The following DIAPH3 variants were observed in gnomAD, a reference collection of about 807,000 sequenced individuals.
DIAPH3 encodes protein diaphanous homolog 3.
In DIAPH3, 117 loss-of-function variants were observed where a neutral mutation model predicts 144.3. That is an observed-to-expected ratio of 0.81 (90% confidence interval 0.70 to 0.95). The LOEUF (loss-of-function observed/expected upper bound fraction) is 0.95, where lower values mean the gene tolerates loss of function less well. Among genes scored for constraint, DIAPH3 ranks in the 40% least tolerant of loss-of-function variants. The pLI is 0.00. For missense variants in DIAPH3, 1,421 were observed against 1,412.7 expected (o/e 1.01, Z -0.09); for synonymous variants, 519 against 488.9 (o/e 1.06, Z -0.81).
intron 20 of DIAPH3, among the ~76,000 whole-genome samples, chr13:59,898,855 G>A (rs1017971267): frequency 5.9e-5 from 9 of 152,156 alleles, no homozygotes; most frequent in African/African-American, 1.9e-4. Flanking sequence ...TCTTGAGGGT[G>A]TTGCCAAAGG....
At chr13:59,961,306 C>T (rs2049739788) in intron 17 of DIAPH3, among the ~76,000 whole-genome samples, 2 of 152,266 alleles carry the variant, frequency 1.3e-5, no homozygotes, top group Middle Eastern at 3.4e-3. Flanking sequence ...TTATATAATC[C>T]TCACAATAAC....
chr13:60,136,900 A>T (rs979201402), intron 1 of DIAPH3, among the ~76,000 whole-genome samples: 1 of 151,990 alleles, frequency 6.6e-6, no homozygotes, highest in South Asian at 2.1e-4. Flanking sequence ...AGATTGTGCC[A>T]CTGCACTCCA....
chr13:59,701,228 AATATG>A (rs1238675136), intron 27 of DIAPH3, among the ~76,000 whole-genome samples: 1 of 152,248 alleles, frequency 6.6e-6, no homozygotes. Context: ...GAATGTTCGC[AATATG>A]ATATAACAAA....
At chr13:59,790,229 T>C (rs549261769) in intron 25 of DIAPH3, among the ~76,000 whole-genome samples, 12 of 152,346 alleles carry the variant, frequency 7.9e-5, no homozygotes, top group Middle Eastern at 3.4e-3. Context: ...GGTGAAGAGC[T>C]ATAGCTATGG....
intron 5 of DIAPH3, among the ~76,000 whole-genome samples, chr13:60,028,932 G>A (rs967241379): frequency 2.8e-4 from 43 of 151,802 alleles, no homozygotes; most frequent in African/African-American, 9.7e-4. Context: ...GGTGGCATGC[G>A]CCTGTAGTCC....
chr13:59,748,278 C>T (rs1342150117), intron 27 of DIAPH3, among the ~76,000 whole-genome samples: 3 of 152,140 alleles, frequency 2.0e-5, no homozygotes, highest in Non-Finnish European at 1.5e-5. Context: ...AGAGTGACGG[C>T]GGAATATCTA....
intron 17 of DIAPH3, among the ~76,000 whole-genome samples, chr13:59,954,354 T>C (rs2049267603): frequency 6.6e-6 from 1 of 152,192 alleles, no homozygotes; most frequent in African/African-American, 2.4e-5. Context: ...GTTACTTCCT[T>C]TATCTCATTC....
chr13:60,058,005 C>T (rs1272289369), intron 4 of DIAPH3, among the ~76,000 whole-genome samples: 1 of 151,508 alleles, frequency 6.6e-6, no homozygotes, highest in Non-Finnish European at 1.5e-5. Flanking sequence ...ATGAGTGAGA[C>T]CCCAAAAGCA....
At chr13:59,699,611 T>C (rs1409476646) in intron 27 of DIAPH3, among the ~76,000 whole-genome samples, 1 of 152,212 alleles carries the variant, frequency 6.6e-6, no homozygotes, top group Non-Finnish European at 1.5e-5. Flanking sequence ...ATTCACTCCA[T>C]CTTAATTTAT....
chr13:59,726,259 T>C (rs2035598414), intron 27 of DIAPH3, among the ~76,000 whole-genome samples: 2 of 152,208 alleles, frequency 1.3e-5, no homozygotes, highest in Non-Finnish European at 2.9e-5. Context: ...TGTCTGGACC[T>C]ACATATGTCA....
intron 22 of DIAPH3, among the ~76,000 whole-genome samples, chr13:59,852,363 C>T (rs2043025835): frequency 6.6e-6 from 1 of 152,120 alleles, no homozygotes; most frequent in Admixed American, 6.5e-5. Flanking sequence ...ATATGGCATT[C>T]CTTCATAATT....
At position 60,007,714 on chromosome 13, in the gene DIAPH3, CT is replaced by C. The variant is rs1398317417; in HGVS notation, c.1014+829del. On this transcript the variant is annotated intron_variant, in intron 9 of 27. Coordinates refer to ENST00000400324, the MANE Select transcript of DIAPH3 (RefSeq NM_001042517.2). ...ATTATACCAATAAAAGCCTCTTTTC[CT>C]TTTTTTAAAAAAAGAAAGAGAAATT... is the stretch of plus-strand genomic sequence containing the variant. Among the ~76,000 whole-genome samples, 8 of 151,994 alleles carry C rather than the reference CT, an allele frequency of 5.3e-5. No individual in the cohort carries two copies. In the South Asian group the frequency reaches 8.3e-4, roughly 16 times the overall value.
At chr13:59,882,167 C>A (rs1261330437) in intron 20 of DIAPH3, among the ~76,000 whole-genome samples, 3 of 152,146 alleles carry the variant, frequency 2.0e-5, no homozygotes, top group African/African-American at 7.2e-5. Context: ...CAGCTCACTG[C>A]AACCTCTACC....
intron 5 of DIAPH3, among the ~76,000 whole-genome samples, chr13:60,036,324 G>C (rs1193297039): frequency 6.6e-6 from 1 of 152,156 alleles, no homozygotes; most frequent in Non-Finnish European, 1.5e-5. Flanking sequence ...CTGTCTAATA[G>C]AATTGCTTAC....
Position 59,879,083 on chromosome 13 carries a change from T to C in DIAPH3, c.2607+146A>G, listed in dbSNP as rs958788698. The C allele has an allele frequency of 4.4e-6, 5 of 1,133,330 alleles. No individual in the cohort carries two copies. In the African/African-American group the frequency reaches 7.9e-5, roughly 18 times the overall value. 70.2% of individuals were successfully genotyped at this position (1,133,330 alleles called of 1,614,324 possible). A position where few individuals can be genotyped will look rare whatever the true frequency, so the allele number is the denominator to read the frequency against. ...TCAGAGGTTGAGTAAATTAGCTCAG[T>C]TCACTCTGGGTTTGAGTTCATGGTT... On this transcript the variant is annotated intron_variant, in intron 21 of 27. Transcript: ENST00000400324.
At chr13:59,950,237 C>T (rs1440836864) in intron 17 of DIAPH3, among the ~76,000 whole-genome samples, 1 of 152,078 alleles carries the variant, frequency 6.6e-6, no homozygotes, top group Admixed American at 6.6e-5. Context: ...GTTCATCTTC[C>T]AGTGACATTG....
intron 25 of DIAPH3, among the ~76,000 whole-genome samples, chr13:59,808,994 TA>T (rs1478237552): frequency 1.3e-5 from 2 of 152,224 alleles, no homozygotes; most frequent in Admixed American, 1.3e-4. Context: ...AAAGCTTCCT[TA>T]GGGAGACATA....
chr13:59,777,974 A>C (rs573652370), intron 25 of DIAPH3, among the ~76,000 whole-genome samples: 3 of 152,322 alleles, frequency 2.0e-5, no homozygotes, highest in African/African-American at 7.2e-5. Flanking sequence ...GTATCAGATA[A>C]TTACATTGTA....
chr13:59,950,398 G>A (rs929680223), intron 17 of DIAPH3, among the ~76,000 whole-genome samples: 3 of 151,938 alleles, frequency 2.0e-5, no homozygotes, highest in Non-Finnish European at 2.9e-5. Flanking sequence ...TTATTTGTAC[G>A]TTCACTCATC....
Sources: allele counts gnomAD v4.1 joint callset (sites outside exome capture counted in the v4.1 genomes callset), GRCh38; gene constraint gnomAD v4.1.1; transcripts MANE v1.5; gene names NCBI Gene and HGNC (gene_info 2026-07-23, HGNC 2026-07-21).